Variants in TTC39B observed in about 807,000 individuals in gnomAD.
TTC39B encodes tetratricopeptide repeat domain 39B.
In TTC39B, 92 loss-of-function variants were observed where a neutral mutation model predicts 96.6. The ratio of observed to expected loss-of-function variants is 0.95; its 90% CI spans 0.80 to 1.13. The LOEUF is 1.13. Ranked by LOEUF, TTC39B falls within the 50% of genes most tolerant of loss-of-function variation. TTC39B has a pLI of 0.00. For synonymous variants in TTC39B, 367 were observed against 299.4 expected (o/e 1.23, Z -2.33); for missense variants, 955 against 809.3 (o/e 1.18, Z -2.18).
Position 15,220,642 on chromosome 9 carries a change from C to T in TTC39B, c.371+5275G>A, listed in dbSNP as rs80064790. 3.3e-3 allele frequency among the ~76,000 whole-genome samples: 497 copies of T among 151,994 alleles called. 2 individuals are homozygous for T. The highest frequency in any genetic ancestry group is 0.011 in the African/African-American group (468 of 41,498). On this transcript the variant is annotated intron_variant, in intron 3 of 19. Coordinates refer to ENST00000512701, the Ensembl canonical transcript of TTC39B. ...AAAGAATAATAGGGTGCTCATCCTT[C>T]AGACTCAAATGGGGAAGCAGAGTTT...
intron 2 of TTC39B, among the ~76,000 whole-genome samples, chr9:15,263,242 A>T (rs982030376): frequency 7.2e-5 from 11 of 152,210 alleles, no homozygotes; most frequent in African/African-American, 2.7e-4. Flanking sequence ...CCACACTCTT[A>T]CAAGGGAGAG....
intron 2 of TTC39B, among the ~76,000 whole-genome samples, chr9:15,264,056 G>C (rs1367542533): frequency 6.6e-6 from 1 of 152,164 alleles, no homozygotes; most frequent in Non-Finnish European, 1.5e-5. Context: ...AGAAGTTCTG[G>C]AGGCAATGAA....
At chr9:15,296,132 A>T (rs981395613) in intron 1 of TTC39B, among the ~76,000 whole-genome samples, 1 of 152,182 alleles carries the variant, frequency 6.6e-6, no homozygotes, top group Non-Finnish European at 1.5e-5. Context: ...CAGGGAGGGA[A>T]AAAAGGAGGA....
At chr9:15,253,225 T>G (rs1291955943) in intron 2 of TTC39B, among the ~76,000 whole-genome samples, 1 of 152,182 alleles carries the variant, frequency 6.6e-6, no homozygotes, top group Non-Finnish European at 1.5e-5. Flanking sequence ...ACAGAGTCAT[T>G]ATTGTGGGTT....
chr9:15,236,881 A>T (rs1321817697), intron 2 of TTC39B, among the ~76,000 whole-genome samples: 1 of 152,232 alleles, frequency 6.6e-6, no homozygotes, highest in Non-Finnish European at 1.5e-5. Flanking sequence ...AGACAGAAAG[A>T]CCTCAAATTA....
chr9:15,268,482 GCA>G (rs1227689951), intron 1 of TTC39B, among the ~76,000 whole-genome samples: 3 of 152,012 alleles, frequency 2.0e-5, no homozygotes, highest in Non-Finnish European at 4.4e-5. Context: ...GGAGAGAAAC[GCA>G]CACAGTCATA....
rs1823998567 is a variant in TTC39B, at chr9:15,287,059, CT to C, written c.241-19112del. On this transcript the variant is annotated intron_variant, in intron 1 of 19. Transcript: ENST00000512701. ...ATAAGACTAAATTATTTTTCTAATT[CT>C]TTTTCATTCCAAAATGGACTTTATT... 1.3e-5 allele frequency among the ~76,000 whole-genome samples: 2 copies of C among 152,108 alleles called. 1 individual carries two copies. Among genetic ancestry groups the C allele is most frequent in the South Asian group, 4.1e-4 (2 of 4,828 alleles).
At chr9:15,222,944 G>C (rs1242213567) in intron 3 of TTC39B, among the ~76,000 whole-genome samples, 1 of 152,180 alleles carries the variant, frequency 6.6e-6, no homozygotes, top group African/African-American at 2.4e-5. Context: ...GTGGTAAGAG[G>C]AGAAAGTAAA....
At chr9:15,296,913 G>C (rs529664047) in intron 1 of TTC39B, among the ~76,000 whole-genome samples, 1 of 152,282 alleles carries the variant, frequency 6.6e-6, no homozygotes, top group African/African-American at 2.4e-5. Flanking sequence ...CTTGAGCCCA[G>C]GGGGTCAAGT....
chr9:15,207,170 C>G (rs913589381), intron 6 of TTC39B, among the ~76,000 whole-genome samples: 2 of 152,144 alleles, frequency 1.3e-5, no homozygotes, highest in East Asian at 1.9e-4. Flanking sequence ...TATAAATTAC[C>G]CAGTCCTGGG....
At chr9:15,239,230 A>G (rs1444161948) in intron 2 of TTC39B, among the ~76,000 whole-genome samples, 1 of 152,216 alleles carries the variant, frequency 6.6e-6, no homozygotes, top group Non-Finnish European at 1.5e-5. Context: ...ATCTTATACC[A>G]GTCAGAATGG....
Position 15,172,022 on chromosome 9 carries a change from AT to A in TTC39B, c.2045del (p.Asp682ValfsTer25), listed in dbSNP as rs1339793498. ...AATTCCATCCTTCAAGTTCTGATCA[AT>A]CTGAGGAAGGTTTTCTCCAGAGGTG... is the stretch of plus-strand genomic sequence containing the variant. On this transcript the variant is annotated frameshift_variant, in exon 20 of 20. Transcript: ENST00000512701. LOFTEE classifies it high-confidence loss of function. The A allele has an allele frequency of 6.2e-7, 1 of 1,611,276 alleles. No individual in the cohort carries two copies. Among genetic ancestry groups the A allele is most frequent in the African/African-American group, 1.3e-5 (1 of 74,878 alleles).
chr9:15,253,730 A>T (rs1176002233), intron 2 of TTC39B, among the ~76,000 whole-genome samples: 1 of 151,876 alleles, frequency 6.6e-6, no homozygotes, highest in East Asian at 1.9e-4. Flanking sequence ...ATGTTCAAGT[A>T]TTTTCTCTTT....
chr9:15,293,170 T>C (rs1378847587), intron 1 of TTC39B, among the ~76,000 whole-genome samples: 8 of 152,186 alleles, frequency 5.3e-5, no homozygotes, highest in Non-Finnish European at 1.2e-4. Flanking sequence ...TGGCCTACAG[T>C]ATTCAGTACA....
At chr9:15,264,855 C>T (rs1360213436) in intron 2 of TTC39B, among the ~76,000 whole-genome samples, 1 of 151,842 alleles carries the variant, frequency 6.6e-6, no homozygotes, top group Non-Finnish European at 1.5e-5. Context: ...TCAAAAGCAT[C>T]TCCATCACAG....
At chr9:15,220,779 G>A (rs1193510871) in intron 3 of TTC39B, among the ~76,000 whole-genome samples, 4 of 152,018 alleles carry the variant, frequency 2.6e-5, no homozygotes. Flanking sequence ...ACTTTTGAAG[G>A]GTGCTGGCAA....
At chr9:15,227,939 T>C (rs1821214465) in intron 2 of TTC39B, among the ~76,000 whole-genome samples, 1 of 152,202 alleles carries the variant, frequency 6.6e-6, no homozygotes, top group Admixed American at 6.5e-5. Flanking sequence ...TTATATAACA[T>C]AGTTTTACCT....
intron 3 of TTC39B, among the ~76,000 whole-genome samples, chr9:15,218,635 A>AAAAAAAAAAAAAT (rs374054306): frequency 3.0e-4 from 45 of 149,528 alleles, no homozygotes; most frequent in African/African-American, 1.1e-3. Flanking sequence ...GTCTATTTTA[A>AAAAAAAAAAAAAT]ATATATATAT....
At chr9:15,234,517 G>A (rs538086299) in intron 2 of TTC39B, among the ~76,000 whole-genome samples, 6 of 151,026 alleles carry the variant, frequency 4.0e-5, no homozygotes, top group South Asian at 4.2e-4. Context: ...CCACCACCCC[G>A]TCTGGGAGGT....
Sources: allele counts gnomAD v4.1 joint callset (sites outside exome capture counted in the v4.1 genomes callset), GRCh38; gene constraint gnomAD v4.1.1; transcripts MANE v1.5; gene names NCBI Gene and HGNC (gene_info 2026-07-23, HGNC 2026-07-21).